WDR27: variants seen among roughly 807,000 people sequenced by gnomAD.
WDR27 encodes WD repeat domain 27, also known as WD repeat-containing protein 27.
WDR27 carries 100 observed loss-of-function variants against 114.4 expected under a neutral mutation model. The observed-to-expected ratio is 0.87, with a 90% CI of 0.74 to 1.03. WDR27 has a LOEUF of 1.03. WDR27 is among the 50% of genes least tolerant of loss of function. The pLI is 0.00. For synonymous variants in WDR27, 449 were observed against 423.1 expected (o/e 1.06, Z -0.75); for missense variants, 1,129 against 1,092.9 (o/e 1.03, Z -0.47).
At chr6:169,426,800 C>CA in the WDR27 span, 1 of 152,640 alleles carries the variant, frequency 6.6e-6, no homozygotes. Flanking sequence ...GCATAGGACA[C>CA]AGAGGTGTGA....
intron 25 of WDR27, among the ~76,000 whole-genome samples, chr6:169,494,556 A>C (rs1420298046): frequency 2.0e-5 from 3 of 152,152 alleles, no homozygotes; most frequent in Non-Finnish European, 2.9e-5. Flanking sequence ...CTCCATTATA[A>C]TCTTAACAGG....
intron 22 of WDR27, among the ~76,000 whole-genome samples, chr6:169,612,394 C>T (rs1360153453): frequency 6.6e-6 from 1 of 152,174 alleles, no homozygotes; most frequent in African/African-American, 2.4e-5. Context: ...CACTCCAGCA[C>T]TCCAGCCTGG....
At chr6:169,683,964 C>A (rs991416918) in intron 2 of WDR27, among the ~76,000 whole-genome samples, 2 of 152,186 alleles carry the variant, frequency 1.3e-5, no homozygotes, top group Non-Finnish European at 2.9e-5. Context: ...ATCTTGAGAC[C>A]AGAGCTGCCT....
intron 23 of WDR27, among the ~76,000 whole-genome samples, chr6:169,596,272 C>A (rs1806776158): frequency 1.3e-5 from 2 of 151,972 alleles, no homozygotes. Context: ...TTTTACCGAA[C>A]TTCTATATTT....
chr6:169,639,486 ATCCCTGAG>A (rs928296796), intron 17 of WDR27, among the ~76,000 whole-genome samples: 2 of 152,024 alleles, frequency 1.3e-5, no homozygotes, highest in African/African-American at 4.8e-5. Context: ...AAAAAAAAAA[ATCCCTGAG>A]CACACACATA....
chr6:169,683,629 G>A (rs2128319956), intron 2 of WDR27, among the ~76,000 whole-genome samples: 1 of 152,258 alleles, frequency 6.6e-6, no homozygotes, highest in East Asian at 1.9e-4. Flanking sequence ...ATGCACCTGT[G>A]GTGACTGGAA....
At chr6:169,513,018 CCA>C (rs761308881) in intron 25 of WDR27, among the ~76,000 whole-genome samples, 1 of 152,200 alleles carries the variant, frequency 6.6e-6, no homozygotes, top group Non-Finnish European at 1.5e-5. Context: ...TCTAAACGTT[CCA>C]GTTACTTATT....
At chr6:169,564,755 T>C (rs2128119574) in intron 25 of WDR27, among the ~76,000 whole-genome samples, 1 of 152,218 alleles carries the variant, frequency 6.6e-6, no homozygotes, top group Non-Finnish European at 1.5e-5. Flanking sequence ...TGACTTCTCT[T>C]CTAGCACTGG....
intron 21 of WDR27, among the ~76,000 whole-genome samples, chr6:169,632,547 A>G (rs1816685368): frequency 6.6e-6 from 1 of 151,992 alleles, no homozygotes; most frequent in South Asian, 2.1e-4. Context: ...TGTCTCTGTC[A>G]AAACAGACTG....
intron 2 of WDR27, among the ~76,000 whole-genome samples, chr6:169,686,946 T>G (rs9371122): frequency 0.2 from 29,983 of 152,010 alleles, 3,886 homozygotes; most frequent in East Asian, 0.64. Context: ...AAGTGGATCT[T>G]GTGGAAGTGG....
chr6:169,664,647 A>C, intron 7 of WDR27: 5 of 1,070,056 alleles, frequency 4.7e-6, no homozygotes, highest in Non-Finnish European at 3.4e-6. Flanking sequence ...GTGAGAAGAC[A>C]AGGCAACAGC....
chr6:169,536,054 T>C, intron 25 of WDR27, among the ~76,000 whole-genome samples: 1 of 152,202 alleles, frequency 6.6e-6, no homozygotes, highest in Middle Eastern at 3.2e-3. Context: ...CCAGCATGCC[T>C]GTAAGATTTC....
intron 24 of WDR27, among the ~76,000 whole-genome samples, chr6:169,576,616 C>T (rs929608064): frequency 1.3e-5 from 2 of 151,742 alleles, no homozygotes; most frequent in Non-Finnish European, 2.9e-5. Flanking sequence ...AAAATTAAAA[C>T]ATGAGCCAGG....
chr6:169,636,701 T>C (rs1352278913), intron 18 of WDR27, among the ~76,000 whole-genome samples, 197 bp from the exon 19 acceptor site: 4 of 152,248 alleles, frequency 2.6e-5, no homozygotes, highest in Admixed American at 2.6e-4. Context: ...AAAATGTTAC[T>C]GTAATGAATG....
At chr6:169,504,518 G>A (rs1583835227) in intron 25 of WDR27, among the ~76,000 whole-genome samples, 1 of 142,448 alleles carries the variant, frequency 7.0e-6, no homozygotes, top group East Asian at 1.9e-4. Context: ...ATGTGGAACT[G>A]TGAGTCAATT....
At chr6:169,516,684 G>A (rs1164376600) in intron 25 of WDR27, among the ~76,000 whole-genome samples, 9 of 151,856 alleles carry the variant, frequency 5.9e-5, no homozygotes, top group Non-Finnish European at 1.3e-4. Flanking sequence ...CCCAAGAGCT[G>A]GGCATGCTAA....
chr6:169,595,834 G>C (rs955432575), intron 23 of WDR27, among the ~76,000 whole-genome samples: 4 of 145,278 alleles, frequency 2.8e-5, no homozygotes, highest in African/African-American at 1.0e-4. Flanking sequence ...TTCAGTTCTG[G>C]CATATTCATA....
chr6:169,695,546 T>G (rs1240685440), intron 1 of WDR27, among the ~76,000 whole-genome samples: 2 of 152,196 alleles, frequency 1.3e-5, no homozygotes, highest in African/African-American at 4.8e-5. Flanking sequence ...GCCATCTTGT[T>G]TCTCTCATTT....
At chr6:169,578,967 C>CA in intron 24 of WDR27, among the ~76,000 whole-genome samples, 1 of 152,284 alleles carries the variant, frequency 6.6e-6, no homozygotes, top group East Asian at 1.9e-4. Context: ...TAAGGTCTCT[C>CA]ACCAGCACCC....
Sources: gnomAD v4.1 joint callset for allele counts (sites outside exome capture counted in the v4.1 genomes callset) on GRCh38, gnomAD v4.1.1 for gene constraint, MANE v1.5 for transcripts, NCBI Gene and HGNC (gene_info 2026-07-23, HGNC 2026-07-21) for gene names.